Variants in EBF2 observed in about 807,000 individuals in gnomAD.
EBF2 encodes transcription factor COE2.
A neutral mutation model predicts 72.8 loss-of-function variants in EBF2; 21 were observed. The observed-to-expected ratio is 0.29, with a 90% confidence interval of 0.20 to 0.42. EBF2 has a LOEUF of 0.42. EBF2 is among the 10% of genes least tolerant of loss of function. The pLI is 1.00. For missense variants in EBF2, 637 were observed against 731.2 expected (o/e 0.87, Z 1.49); for synonymous variants, 299 against 274.2 (o/e 1.09, Z -0.89).
intron 5 of EBF2, among the ~76,000 whole-genome samples, chr8:26,038,576 C>A (rs186316432): frequency 6.0e-4 from 92 of 152,256 alleles, no homozygotes; most frequent in Non-Finnish European, 1.0e-3. Context: ...AAAAGAAAAA[C>A]CTCCCTTCAA....
chr8:26,003,291 C>G (rs1466565), intron 6 of EBF2, among the ~76,000 whole-genome samples: 10,421 of 152,068 alleles, frequency 0.069, 796 homozygotes, highest in East Asian at 0.34. Flanking sequence ...AGCTGAATGC[C>G]CCCTGAGAGC....
intron 6 of EBF2, among the ~76,000 whole-genome samples, chr8:26,012,318 C>T (rs894272513): frequency 1.3e-5 from 2 of 151,728 alleles, no homozygotes; most frequent in Middle Eastern, 3.4e-3. Flanking sequence ...TAGGGAACAT[C>T]GAAATAAATG....
intron 6 of EBF2, among the ~76,000 whole-genome samples, chr8:25,934,224 T>TACACACACAC (rs71216403): frequency 5.8e-5 from 8 of 136,838 alleles, no homozygotes; most frequent in African/African-American, 1.4e-4. Flanking sequence ...TTCATGTGCA[T>TACACACACAC]ACACACACAC....
intron 6 of EBF2, among the ~76,000 whole-genome samples, chr8:25,924,952 C>T (rs1803362409): frequency 6.6e-6 from 1 of 152,154 alleles, no homozygotes; most frequent in South Asian, 2.1e-4. Flanking sequence ...ATAAGGAAAT[C>T]ACTCTAACAC....
At chr8:25,950,576 C>T (rs2117168156) in intron 6 of EBF2, among the ~76,000 whole-genome samples, 1 of 152,304 alleles carries the variant, frequency 6.6e-6, no homozygotes, top group East Asian at 1.9e-4. Context: ...CATTGCTGCA[C>T]CTAAGTGTGG....
intron 6 of EBF2, among the ~76,000 whole-genome samples, chr8:25,933,035 C>T (rs1398839378): frequency 6.6e-6 from 1 of 152,098 alleles, no homozygotes; most frequent in Non-Finnish European, 1.5e-5. Flanking sequence ...ATCAGTAGCA[C>T]GTTCTGATGG....
intron 6 of EBF2, among the ~76,000 whole-genome samples, chr8:25,916,722 G>T (rs1349359244): frequency 6.6e-6 from 1 of 152,110 alleles, no homozygotes; most frequent in Non-Finnish European, 1.5e-5. Flanking sequence ...AAAAATGGTC[G>T]ATGGGAGTCC....
intron 9 of EBF2, 119 bp from the exon 10 acceptor site, chr8:25,887,000 C>T: frequency 9.1e-7 from 1 of 1,095,974 alleles, no homozygotes; most frequent in Non-Finnish European, 1.3e-6. Flanking sequence ...CTGCTCTACT[C>T]TAACTGGAGT....
At position 25,844,542 on chromosome 8, in the gene EBF2, C is replaced by T. The variant is rs1801793340; in HGVS notation, c.*67G>A. ...CACCACTACACCCCCAAAAGAGCTCCTAGTGCTTTCTTCATTATTGGTCCA... is the reference window on the plus strand; with the variant it reads ...CACCACTACACCCCCAAAAGAGCTCTTAGTGCTTTCTTCATTATTGGTCCA... On this transcript the variant is annotated 3_prime_UTR_variant, in exon 16 of 16. Coordinates refer to ENST00000520164, the MANE Select transcript of EBF2 (RefSeq NM_022659.4). 5 of 1,585,584 alleles carry T rather than the reference C, an allele frequency of 3.2e-6. No homozygotes were observed. The highest frequency in any genetic ancestry group is 4.3e-6 in the Non-Finnish European group (5 of 1,154,458).
chr8:25,919,191 C>T (rs912500448), intron 6 of EBF2, among the ~76,000 whole-genome samples: 2 of 152,162 alleles, frequency 1.3e-5, no homozygotes, highest in Admixed American at 1.3e-4. Context: ...CATCAAGCTT[C>T]ATTTTGACTC....
intron 6 of EBF2, among the ~76,000 whole-genome samples, chr8:25,980,291 T>C (rs942543975): frequency 2.0e-5 from 3 of 152,192 alleles, no homozygotes; most frequent in Non-Finnish European, 4.4e-5. Context: ...TTTCCACTGT[T>C]GTAAACACAG....
At chr8:25,954,872 C>T (rs1046147724) in intron 6 of EBF2, among the ~76,000 whole-genome samples, 15 of 152,342 alleles carry the variant, frequency 9.8e-5, no homozygotes, top group African/African-American at 3.6e-4. Flanking sequence ...TGGCTGGCTT[C>T]CCCGAATGGA....
At chr8:25,892,632 G>A (rs1370931363) in intron 7 of EBF2, among the ~76,000 whole-genome samples, 1 of 152,110 alleles carries the variant, frequency 6.6e-6, no homozygotes, top group East Asian at 1.9e-4. Flanking sequence ...TAGCATAATA[G>A]GTTTGGGAAA....
At chr8:25,859,997 G>A (rs555935452) in intron 13 of EBF2, among the ~76,000 whole-genome samples, 25 of 151,874 alleles carry the variant, frequency 1.6e-4, no homozygotes, top group South Asian at 4.2e-4. Context: ...GATTACAAGC[G>A]TGAGCCACCA....
chr8:25,994,633 T>C (rs1804594153), intron 6 of EBF2, among the ~76,000 whole-genome samples: 1 of 152,184 alleles, frequency 6.6e-6, no homozygotes, highest in East Asian at 1.9e-4. Context: ...TCATGTCTTT[T>C]GCAACAATGT....
intron 7 of EBF2, among the ~76,000 whole-genome samples, chr8:25,903,187 GT>G (rs542446501): frequency 0.042 from 5,564 of 132,442 alleles, 118 homozygotes; most frequent in East Asian, 0.11. Context: ...TTTTGTCTGG[GT>G]TTTTTTTTTT....
chr8:25,980,159 G>A lies in EBF2; in HGVS notation c.551+52926C>T, dbSNP rs540747463. Among the ~76,000 whole-genome samples, 149 of 152,212 alleles carry A rather than the reference G, an allele frequency of 9.8e-4. 1 individual carries two copies. The Middle Eastern group carries it at 0.01, about 10-fold the overall frequency. ...CAGACCACCAAAAAACGGAAAAGCG[G>A]GGGTGGGAGGGGCATCCTTTACCCT... On this transcript the variant is annotated intron_variant, in intron 6 of 15. Coordinates refer to ENST00000520164, the MANE Select transcript of EBF2 (RefSeq NM_022659.4).
intron 6 of EBF2, among the ~76,000 whole-genome samples, chr8:26,027,183 T>C (rs1332266012): frequency 3.3e-5 from 5 of 152,168 alleles, no homozygotes; most frequent in Non-Finnish European, 5.9e-5. Flanking sequence ...ATCTCTACCA[T>C]GATTCTCTAA....
rs778266031 is a variant in EBF2, at chr8:25,887,863, C to T, written c.861G>A (p.Gly287=). The T allele has an allele frequency of 1.9e-6, 3 of 1,612,906 alleles. No homozygotes were observed. In the South Asian group the frequency reaches 3.3e-5, roughly 18 times the overall value. The change falls in exon 9 of 16, where the codon GGG becomes GGA. Residue 287 remains glycine (G), a synonymous_variant. Transcript: ENST00000520164. ...TTACCTCGCTCCATACAAGCATAGT[C>T]CCAAACACCACTTGGAGACCATCAA... is the stretch of plus-strand genomic sequence containing the variant. ...NFFDGLQVVF[G]TMLVWSELIT...
Sources: gnomAD v4.1 joint callset for allele counts (sites outside exome capture counted in the v4.1 genomes callset) on GRCh38, gnomAD v4.1.1 for gene constraint, MANE v1.5 for transcripts, NCBI Gene and HGNC (gene_info 2026-07-23, HGNC 2026-07-21) for gene names.